Variants in CABP4 observed in about 807,000 individuals in gnomAD.
CABP4 encodes the protein calcium-binding protein 4.
In CABP4, 30 loss-of-function variants were observed where a neutral mutation model predicts 30.7. That is an observed-to-expected ratio of 0.98 (90% CI 0.73 to 1.33). The LOEUF is 1.33. CABP4 is among the 40% of genes most tolerant of loss of function. The probability of loss-of-function intolerance (pLI) is 0.00; values close to 1 mark genes in which losing one functional copy is unlikely to be tolerated. For synonymous variants in CABP4, 161 were observed against 159.2 expected, an observed-to-expected ratio of 1.01 and a Z score of -0.08; for missense variants, 424 against 395.5, an observed-to-expected ratio of 1.07 and a Z score of -0.61.
Position 67,456,221 on chromosome 11 carries a change from G to A in CABP4, c.397+3G>A. 3 of 1,613,584 alleles carry A rather than the reference G, an allele frequency of 1.9e-6. No individual in the cohort carries two copies. Among genetic ancestry groups the A allele is most frequent in the Non-Finnish European group, 2.5e-6 (3 of 1,179,996 alleles). On this transcript the variant is annotated splice_donor_region_variant and intron_variant, in intron 2 of 5. Coordinates refer to ENST00000325656, the MANE Select transcript of CABP4 (RefSeq NM_145200.5). The stretch of plus-strand genomic sequence containing the variant: ...ACTGGGCCCCGAGGAGCTAGACGGT[G>A]AGTGGCTCTTGCTGCTGGCAGGGGG...
At chr11:67,452,777 G>T, upstream of CABP4, 1 of 1,406,242 alleles carries the variant, frequency 7.1e-7, no homozygotes, top group Non-Finnish European at 9.7e-7. Flanking sequence ...GTGAATCAAT[G>T]ATGGTGTGAA....
upstream of CABP4, among the ~76,000 whole-genome samples, chr11:67,454,927 T>A (rs1411583979): frequency 6.6e-6 from 1 of 152,180 alleles, no homozygotes; most frequent in Admixed American, 6.5e-5. Context: ...GGGGCCCCAG[T>A]AGGCCACTCG....
chr11:67,452,729 G>T (rs1452590648), upstream of CABP4: 2 of 1,551,340 alleles, frequency 1.3e-6, no homozygotes, highest in Admixed American at 3.8e-5. Context: ...GTCCATTTGG[G>T]GTCCCCAGAG....
chr11:67,455,874 G>A, intron 1 of CABP4, 85 bp downstream of exon 1: 1 of 1,484,080 alleles, frequency 6.7e-7, no homozygotes, highest in Non-Finnish European at 9.0e-7. Context: ...CTGCCCCTGA[G>A]AGGCCCTCTG....
Position 67,458,600 on chromosome 11 carries a change from C to A in CABP4, c.800-31C>A, listed in dbSNP as rs1403036889. The A allele has an allele frequency of 1.9e-6, 3 of 1,614,042 alleles. No individual in the cohort carries two copies. In the Admixed American group the frequency reaches 5.0e-5, roughly 27 times the overall value. On this transcript the variant is annotated intron_variant, in intron 5 of 5. Transcript: ENST00000325656. The stretch of plus-strand genomic sequence containing the variant: ...CACCTCCTGGGATCCCTGACGTGGA[C>A]TGACCCAAGCCCTGCCCTTCTCTCC...
chr11:67,458,693 C>T lies in CABP4; in HGVS notation c.*34C>T. ...GAGGGAATATCTGTTGCCCCTGCGG[C>T]CCCAGACACCAGCCAGACCCAGGCT... On this transcript the variant is annotated 3_prime_UTR_variant, in exon 6 of 6. Coordinates refer to ENST00000325656, the MANE Select transcript of CABP4 (RefSeq NM_145200.5). 1 of 1,613,180 alleles carries T rather than the reference C, an allele frequency of 6.2e-7. No homozygotes were observed. Among genetic ancestry groups the T allele is most frequent in the Non-Finnish European group, 8.5e-7 (1 of 1,179,878 alleles).
At chr11:67,457,504 G>A (rs1864855581) in intron 3 of CABP4, 69 bp from the exon 4 acceptor site, 2 of 1,364,998 alleles carry the variant, frequency 1.5e-6, no homozygotes, top group South Asian at 2.5e-5. Context: ...TGCCTGGCCT[G>A]TGGGATGTCC....
intron 3 of CABP4, among the ~76,000 whole-genome samples, chr11:67,456,843 G>A (rs983811741): frequency 6.6e-6 from 1 of 152,216 alleles, no homozygotes; most frequent in Non-Finnish European, 1.5e-5. Context: ...CCCTGCCTCA[G>A]CCCTGTGCCC....
At chr11:67,452,995 ACC>A (rs1181041772), upstream of CABP4, 3 of 381,986 alleles carry the variant, frequency 7.9e-6, no homozygotes, top group African/African-American at 4.2e-5. Context: ...CCAGGGCTCA[ACC>A]CAGACTTTTC....
Position 67,456,385 on chromosome 11 carries a change from G to T in CABP4, c.484G>T (p.Gly162Cys). The T allele has an allele frequency of 6.2e-7, 1 of 1,613,220 alleles. No homozygotes were observed. The highest frequency in any genetic ancestry group is 8.5e-7 in the Non-Finnish European group (1 of 1,179,934). ...GCTGGGTGACTGCATGCGGACCCTG[G>T]GCTACATGCCCACCGAGATGGAGCT... Reference protein sequence around the residue: ...RELGDCMRTLGYMPTEMELLE... With the variant: ...RELGDCMRTLCYMPTEMELLE... The change falls in exon 3 of 6, where the codon GGC (glycine) becomes TGC (cysteine). Residue 162 changes from glycine to cysteine, a missense_variant. Transcript: ENST00000325656.
Position 67,458,661 on chromosome 11 carries a change from G to A in CABP4, c.*2G>A. On this transcript the variant is annotated 3_prime_UTR_variant, in exon 6 of 6. Coordinates refer to ENST00000325656, the MANE Select transcript of CABP4 (RefSeq NM_145200.5). ...GTGATGATGCTCTCCCGCCACTGAG[G>A]CTCCAGGAGGGAATATCTGTTGCCC... 1 of 1,614,004 alleles carries A rather than the reference G, an allele frequency of 6.2e-7. No individual in the cohort carries two copies. The highest frequency in any genetic ancestry group is 8.5e-7 in the Non-Finnish European group (1 of 1,180,024).
chr11:67,455,584 G>A lies in CABP4; in HGVS notation c.161G>A (p.Arg54His), dbSNP rs768318236. 11 of 1,604,372 alleles carry A rather than the reference G, an allele frequency of 6.9e-6. No individual in the cohort carries two copies. The highest frequency in any genetic ancestry group is 2.7e-5 in the African/African-American group (2 of 75,002). ...KERGLRGSRK[R>H]TGSSGEQTGP... ...AGGGGGCTCCGAGGGTCTCGAAAGC[G>A]CACTGGCAGCTCTGGGGAGCAGACA... Residue 54 changes from arginine to histidine, a missense_variant, in exon 1 of 6, where the codon CGC (arginine) becomes CAC (histidine). Transcript: ENST00000325656.
intron 1 of CABP4, 30 bp downstream of exon 1, chr11:67,455,819 T>A (rs1266108893): frequency 2.6e-6 from 4 of 1,551,684 alleles, no homozygotes; most frequent in Non-Finnish European, 3.5e-6. Context: ...GGGCTGGGGG[T>A]CCTGGGGGTG....
Position 67,459,643 on chromosome 11 carries a change from C to G in CABP4, c.*984C>G, listed in dbSNP as rs1864949873. On this transcript the variant is annotated 3_prime_UTR_variant, in exon 6 of 6. Coordinates refer to ENST00000325656, the MANE Select transcript of CABP4 (RefSeq NM_145200.5). ...AAACCCTGCCGCTCCCAAAGGGGAA[C>G]TTGTGATAAAAATTACAGATTATTG... 6.6e-6 allele frequency: 1 copy of G among 152,178 alleles called. No individual in the cohort carries two copies. Among genetic ancestry groups the G allele is most frequent in the Non-Finnish European group, 1.5e-5 (1 of 68,042 alleles). 9.4% of individuals were successfully genotyped at this position (152,178 alleles called of 1,614,324 possible). A position where few individuals can be genotyped will look rare whatever the true frequency, so the allele number is the denominator to read the frequency against.
Position 67,455,527 on chromosome 11 carries a change from C to G in CABP4, c.104C>G (p.Pro35Arg), listed in dbSNP as rs761790186. The change falls in exon 1 of 6, where the codon CCC (proline) becomes CGC (arginine). Residue 35 changes from proline (P) to arginine (R), a missense_variant. Coordinates refer to ENST00000325656, the MANE Select transcript of CABP4 (RefSeq NM_145200.5). ...VVTPKSDAEE[P>R]PLTRKRSKKE... is the part of the protein sequence containing the mutation. The stretch of plus-strand genomic sequence containing the variant: ...ACTCCCAAGAGTGATGCAGAGGAGC[C>G]CCCGTTGACCAGGAAGAGGAGCAAG... The G allele has an allele frequency of 6.2e-7, 1 of 1,603,506 alleles. No homozygotes were observed. The highest frequency in any genetic ancestry group is 8.5e-7 in the Non-Finnish European group (1 of 1,176,210).
chr11:67,452,996 C>T (rs1864618867), upstream of CABP4: 2 of 389,144 alleles, frequency 5.1e-6, no homozygotes, highest in Non-Finnish European at 9.1e-6. Flanking sequence ...CAGGGCTCAA[C>T]CCAGACTTTT....
chr11:67,456,715 C>T (rs1052024988), intron 3 of CABP4, among the ~76,000 whole-genome samples: 10 of 152,236 alleles, frequency 6.6e-5, no homozygotes, highest in Non-Finnish European at 1.3e-4. Flanking sequence ...TACACATTTG[C>T]TCCTTTCACC....
chr11:67,452,569 C>CCACG (rs1375767973), upstream of CABP4: 1 of 1,609,296 alleles, frequency 6.2e-7, no homozygotes, highest in Non-Finnish European at 8.5e-7. Context: ...AGCCGGCCAG[C>CCACG]CACGCCATCA....
In CABP4 at chr11:67,455,658, G is replaced by A. The variant is rs112119497; in HGVS notation, c.235G>A (p.Gly79Arg). The A allele has an allele frequency of 1.2e-6, 2 of 1,609,312 alleles. No homozygotes were observed. The highest frequency in any genetic ancestry group is 1.7e-6 in the Non-Finnish European group (2 of 1,179,028). The part of the protein sequence containing the change: ...SSNNPPSTGE[G>R]PAGAPPASPG... ...CAATAACCCTCCCAGCACTGGAGAG[G>A]GGCCGGCGGGCGCACCCCCTGCATC... Residue 79 changes from glycine (G) to arginine (R), a missense_variant, in exon 1 of 6, where the codon GGG (glycine) becomes AGG (arginine). Coordinates refer to ENST00000325656, the MANE Select transcript of CABP4 (RefSeq NM_145200.5).
Sources: gnomAD v4.1 joint callset for allele counts (sites outside exome capture counted in the v4.1 genomes callset) on GRCh38, gnomAD v4.1.1 for gene constraint, MANE v1.5 for transcripts, NCBI Gene and HGNC (gene_info 2026-07-23, HGNC 2026-07-21) for gene names.